The following PCDHA6 variants were observed in gnomAD, a reference collection of about 807,000 sequenced individuals.
The protein encoded by PCDHA6 is protocadherin alpha 6, also known as protocadherin alpha-6.
PCDHA6 carries 55 observed loss-of-function variants against 60.3 expected under a neutral mutation model. The ratio of observed to expected loss-of-function variants is 0.91; its 90% CI spans 0.73 to 1.14. The LOEUF is 1.14. Ranked by LOEUF, PCDHA6 falls within the 50% of genes most tolerant of loss-of-function variation. The pLI is 0.00. For missense variants in PCDHA6, 1,327 were observed against 1,256.5 expected (o/e 1.06, Z -0.85); for synonymous variants, 652 against 557.9 (o/e 1.17, Z -2.38).
chr5:140,976,374 A>G (rs1163913998), intron 1 of PCDHA6, among the ~76,000 whole-genome samples: 2 of 152,040 alleles, frequency 1.3e-5, no homozygotes, highest in Non-Finnish European at 2.9e-5. Context: ...AACATGGTGA[A>G]ACCCCATCTC....
chr5:140,974,456 A>G (rs957426015), intron 1 of PCDHA6, among the ~76,000 whole-genome samples: 2 of 152,230 alleles, frequency 1.3e-5, no homozygotes, highest in Non-Finnish European at 2.9e-5. Context: ...AAATGACTAC[A>G]TTCAGAGGAA....
At chr5:140,927,973 C>G (rs77078209) in intron 1 of PCDHA6, 1 of 1,614,216 alleles carries the variant, frequency 6.2e-7, no homozygotes, top group Non-Finnish European at 8.5e-7. Context: ...AGTGATTGCT[C>G]TCTTTAGTGT....
At chr5:140,929,113 A>G (rs1554206696) in intron 1 of PCDHA6, 5 of 1,614,154 alleles carry the variant, frequency 3.1e-6, no homozygotes, top group East Asian at 2.2e-5. Flanking sequence ...GACATCAGCC[A>G]CCATAGATGT....
In PCDHA6 at chr5:140,857,546, G is replaced by A. The variant is rs1554150192; in HGVS notation, c.2394+27061G>A. 8 of 1,596,870 alleles carry A rather than the reference G, an allele frequency of 5.0e-6. 2 individuals carry two copies. In the Admixed American group the frequency reaches 8.4e-5, roughly 17 times the overall value. On this transcript the variant is annotated intron_variant, in intron 1 of 3. Coordinates refer to ENST00000529310, the MANE Select transcript of PCDHA6 (RefSeq NM_018909.4). ...CTCTCTGGTGGAGCGGCGGTTGGGC[G>A]AGCGCTCGCTGTCGAGCTACGTGTC...
At chr5:140,905,380 T>G (rs1226315920) in intron 1 of PCDHA6, among the ~76,000 whole-genome samples, 1 of 152,216 alleles carries the variant, frequency 6.6e-6, no homozygotes, top group African/African-American at 2.4e-5. Context: ...TCTGTTCTGT[T>G]TCATAGGTCT....
At chr5:140,955,460 C>G (rs1051253944) in intron 1 of PCDHA6, among the ~76,000 whole-genome samples, 2 of 152,000 alleles carry the variant, frequency 1.3e-5, no homozygotes, top group Non-Finnish European at 2.9e-5. Flanking sequence ...GGGCTTTTTC[C>G]TTTTTGCTTG....
intron 1 of PCDHA6, chr5:140,857,365 C>G (rs251362): frequency 0.53 from 847,286 of 1,597,488 alleles, 260,121 homozygotes; most frequent in South Asian, 0.6. Flanking sequence ...CCACGGCCAG[C>G]GTGTCTGTGG....
At chr5:140,956,314 G>C (rs1262942129) in intron 1 of PCDHA6, among the ~76,000 whole-genome samples, 2 of 152,036 alleles carry the variant, frequency 1.3e-5, no homozygotes, top group Admixed American at 6.6e-5. Context: ...ATTATTTTGA[G>C]ATATGTTCCT....
At chr5:140,923,304 G>T (rs933906504) in intron 1 of PCDHA6, among the ~76,000 whole-genome samples, 2 of 152,172 alleles carry the variant, frequency 1.3e-5, no homozygotes, top group East Asian at 3.9e-4. Context: ...TGGGCGTGGG[G>T]GCGCTTGGCC....
intron 1 of PCDHA6, among the ~76,000 whole-genome samples, chr5:140,916,601 G>A (rs2077638535): frequency 6.6e-6 from 1 of 152,188 alleles, no homozygotes. Flanking sequence ...GGCCTGGAAT[G>A]CGGGCCTCAT....
At chr5:140,872,545 TGAACCCAGGGGTTCAG>T (rs1372003067) in intron 1 of PCDHA6, among the ~76,000 whole-genome samples, 1 of 152,158 alleles carries the variant, frequency 6.6e-6, no homozygotes, top group Non-Finnish European at 1.5e-5. Flanking sequence ...GAGGATCCCC[TGAACCCAGGGGTTCAG>T]GGCTGCAGTG....
chr5:140,828,285 G>T lies in PCDHA6; in HGVS notation c.194G>T (p.Arg65Met), dbSNP rs1200053101. ...GCGGAGCTGGTGCCGCGCCTGTTCA[G>T]GATGGCCTCCAAAGACCGCGAGGAC... ...ELAELVPRLF[R>M]MASKDREDLL... Residue 65 changes from arginine (R) to methionine (M), a missense_variant, in exon 1 of 4, where the codon AGG becomes ATG. Arg to Met is a moderately conservative substitution (Grantham distance 91). Coordinates refer to ENST00000529310, the MANE Select transcript of PCDHA6 (RefSeq NM_018909.4). The T allele has an allele frequency of 1.2e-6, 2 of 1,614,124 alleles. No homozygotes were observed. The highest frequency in any genetic ancestry group is 1.7e-6 in the Non-Finnish European group (2 of 1,180,054).
intron 1 of PCDHA6, chr5:140,843,297 T>C: frequency 6.3e-7 from 1 of 1,595,944 alleles, no homozygotes; most frequent in Non-Finnish European, 8.6e-7. Context: ...GAACCTGCGC[T>C]GACCGCCACG....
rs371906545 is a variant in PCDHA6, at chr5:140,875,244, A to C, written c.2394+44759A>C. 9 of 951,720 alleles carry C rather than the reference A, an allele frequency of 9.5e-6. No homozygotes were observed. The East Asian group carries it at 2.2e-4, about 24-fold the overall frequency. The allele number at this position is 951,720 out of a possible 1,614,324, so 59.0% of individuals were successfully genotyped here. A position where few individuals can be genotyped will look rare whatever the true frequency, so the allele number is the denominator to read the frequency against. ...TCAGGATCTTTCTTGTACTTACATA[A>C]TCAGTCACATGATGTCGCTCTACAC... On this transcript the variant is annotated intron_variant, in intron 1 of 3. Transcript: ENST00000529310.
At chr5:140,904,818 G>A (rs1186696681) in intron 1 of PCDHA6, among the ~76,000 whole-genome samples, 1 of 152,070 alleles carries the variant, frequency 6.6e-6, no homozygotes, top group Non-Finnish European at 1.5e-5. Flanking sequence ...GTGATGTTGA[G>A]CATTTTTTTA....
chr5:140,857,908 G>A (rs782073504), intron 1 of PCDHA6: 2 of 1,597,838 alleles, frequency 1.3e-6, no homozygotes, highest in Non-Finnish European at 1.7e-6. Flanking sequence ...CACGCATCCC[G>A]TTTCGCGTGG....
At chr5:140,925,812 A>G (rs2082739434) in intron 1 of PCDHA6, among the ~76,000 whole-genome samples, 1 of 151,890 alleles carries the variant, frequency 6.6e-6, no homozygotes. Flanking sequence ...TCCACTTCTC[A>G]CGTCTTCTTT....
intron 1 of PCDHA6, chr5:140,856,228 G>A: frequency 6.3e-7 from 1 of 1,598,094 alleles, no homozygotes; most frequent in Middle Eastern, 1.7e-4. Context: ...AGCTGGTGCA[G>A]CGCCTGTTCC....
rs782413551 is a variant in PCDHA6, at chr5:141,009,873, A to G, written c.2789A>G (p.Lys930Arg). Residue 930 changes from lysine to arginine, a missense_variant, in exon 4 of 4, where the codon AAG becomes AGG. By Grantham distance (26) the Lys-to-Arg change is conservative. Coordinates refer to ENST00000529310, the MANE Select transcript of PCDHA6 (RefSeq NM_018909.4). ...EETKKKKKKK[K>R]GNKTQEKKEK... The stretch of plus-strand genomic sequence containing the variant: ...ACCAAGAAAAAGAAGAAAAAGAAGA[A>G]GGGTAACAAGACCCAGGAGAAAAAA... 6.2e-7 allele frequency: 1 copy of G among 1,614,034 alleles called. No individual in the cohort carries two copies. The highest frequency in any genetic ancestry group is 8.5e-7 in the Non-Finnish European group (1 of 1,180,008).
Sources: allele counts gnomAD v4.1 joint callset (sites outside exome capture counted in the v4.1 genomes callset), GRCh38; gene constraint gnomAD v4.1.1; transcripts MANE v1.5; gene names NCBI Gene and HGNC (gene_info 2026-07-23, HGNC 2026-07-21).